SLC37A1: variants seen among roughly 807,000 people sequenced by gnomAD.
SLC37A1 encodes glucose-6-phosphate exchanger SLC37A1.
In SLC37A1, 49 loss-of-function variants were observed where a neutral mutation model predicts 75.3. The ratio of observed to expected loss-of-function variants is 0.65; its 90% CI spans 0.52 to 0.83. The LOEUF (loss-of-function observed/expected upper bound fraction) is 0.83, where lower values mean the gene tolerates loss of function less well. Among genes scored for constraint, SLC37A1 ranks in the 40% least tolerant of loss-of-function variants. SLC37A1 has a pLI of 0.00. For synonymous variants in SLC37A1, 268 were observed against 292.1 expected, an observed-to-expected ratio of 0.92 and a Z score of 0.84; for missense variants, 566 against 695.0, an observed-to-expected ratio of 0.81 and a Z score of 2.09.
intron 10 of SLC37A1, among the ~76,000 whole-genome samples, chr21:42,558,165 C>T (rs891368430): frequency 6.6e-6 from 1 of 152,152 alleles, no homozygotes; most frequent in African/African-American, 2.4e-5. Flanking sequence ...GTTATCCTTG[C>T]TCTGACTTGA....
chr21:42,534,427 T>C (rs1419581354), intron 3 of SLC37A1, among the ~76,000 whole-genome samples: 1 of 152,166 alleles, frequency 6.6e-6, no homozygotes, highest in East Asian at 1.9e-4. Context: ...CCGAGGCTCG[T>C]CTTCTGGTGG....
At chr21:42,560,676 G>T (rs1019570004) in intron 11 of SLC37A1, among the ~76,000 whole-genome samples, 5 of 152,230 alleles carry the variant, frequency 3.3e-5, no homozygotes, top group South Asian at 2.1e-4. Flanking sequence ...CCCAGCCCAG[G>T]GTGGGCACCA....
chr21:42,571,856 G>A (rs1012729966), intron 17 of SLC37A1, among the ~76,000 whole-genome samples: 10 of 151,828 alleles, frequency 6.6e-5, no homozygotes, highest in Non-Finnish European at 8.8e-5. Flanking sequence ...TCCCTGCACC[G>A]TGGTCGCCAT....
chr21:42,503,323 C>T (rs1341669391), intron 2 of SLC37A1, among the ~76,000 whole-genome samples: 1 of 147,894 alleles, frequency 6.8e-6, no homozygotes, highest in African/African-American at 2.5e-5. Flanking sequence ...GATCACAGCT[C>T]ACTGCAGCCT....
intron 14 of SLC37A1, 88 bp downstream of exon 14, chr21:42,564,881 C>T (rs2055935324): frequency 9.5e-6 from 12 of 1,268,906 alleles, no homozygotes; most frequent in South Asian, 5.1e-5. Context: ...CCATCTGGCC[C>T]GTGCTCCACT....
At chr21:42,574,782 A>T in intron 17 of SLC37A1, 36 bp from the exon 18 acceptor site, 4 of 1,609,592 alleles carry the variant, frequency 2.5e-6, no homozygotes, top group Non-Finnish European at 3.4e-6. Flanking sequence ...GATTTTCTCT[A>T]AACAGCACCA....
chr21:42,536,415 A>G (rs572256066), intron 5 of SLC37A1, among the ~76,000 whole-genome samples: 15 of 152,258 alleles, frequency 9.9e-5, no homozygotes, highest in African/African-American at 3.4e-4. Flanking sequence ...TGAATATTAT[A>G]TGGGTCATAG....
chr21:42,522,484 C>T (rs1029233231), intron 2 of SLC37A1, among the ~76,000 whole-genome samples: 1 of 152,170 alleles, frequency 6.6e-6, no homozygotes, highest in Non-Finnish European at 1.5e-5. Flanking sequence ...GTGTGGCTGC[C>T]GCGGTTTAGC....
intron 2 of SLC37A1, chr21:42,502,661 C>T (rs1460591471): frequency 6.6e-6 from 1 of 152,152 alleles, no homozygotes; most frequent in East Asian, 1.9e-4. Context: ...ACCTGGTGAA[C>T]AATTTGTCAA....
rs368758018 is a variant in SLC37A1 at position 42,533,622 on chromosome 21, A to G, written c.139-1076A>G. 5.8e-4 allele frequency among the ~76,000 whole-genome samples: 87 copies of G among 150,658 alleles called. No homozygotes were observed. The East Asian group carries it at 0.016, about 27-fold the overall frequency. On this transcript the variant is annotated intron_variant, in intron 3 of 19. Transcript: ENST00000352133. ...CAGGCCCCTCTGCCTCCCAACAAGA[A>G]GCACCCACTCAGGCCCCTCTGCCTC...
chr21:42,559,385 C>T (rs1169885016), intron 11 of SLC37A1, among the ~76,000 whole-genome samples: 6 of 152,218 alleles, frequency 3.9e-5, no homozygotes, highest in Non-Finnish European at 2.9e-5. Flanking sequence ...AACGGAAAGC[C>T]TGGCACCCTG....
intron 3 of SLC37A1, among the ~76,000 whole-genome samples, chr21:42,527,513 TGCCGCTTACA>T (rs2054827094): frequency 1.3e-5 from 2 of 152,136 alleles, no homozygotes; most frequent in Admixed American, 1.3e-4. Flanking sequence ...TATAAATAAC[TGCCGCTTACA>T]GAGCCCTGGG....
chr21:42,500,752 T>C (rs777309776), intron 1 of SLC37A1, among the ~76,000 whole-genome samples: 71 of 152,324 alleles, frequency 4.7e-4, no homozygotes, highest in Middle Eastern at 3.4e-3. Context: ...AGCACTAATA[T>C]ACATAAGGGT....
At chr21:42,504,840 T>C (rs560395715) in intron 2 of SLC37A1, among the ~76,000 whole-genome samples, 1 of 152,300 alleles carries the variant, frequency 6.6e-6, no homozygotes, top group African/African-American at 2.4e-5. Context: ...TTTATTTCCT[T>C]ATCTTAATGA....
chr21:42,555,927 G>C (rs116553020), intron 10 of SLC37A1, among the ~76,000 whole-genome samples: 6 of 152,222 alleles, frequency 3.9e-5, no homozygotes, highest in Non-Finnish European at 5.9e-5. Flanking sequence ...CTTGGGTCAG[G>C]GTAGGCGGGG....
rs1004843719 is a variant in SLC37A1, at chr21:42,548,229, G to A, written c.768+1089G>A. Among the ~76,000 whole-genome samples, 2 of 152,124 alleles carry A rather than the reference G, an allele frequency of 1.3e-5. No homozygotes were observed. The highest frequency in any genetic ancestry group is 2.4e-5 in the African/African-American group (1 of 41,414). On this transcript the variant is annotated intron_variant, in intron 9 of 19. Transcript: ENST00000352133. This position sits in a 1 kb window ranked among gnomAD's most constrained non-coding sequence, Gnocchi z 5.6. ...CAGCGGCTCCAGGTGCGTTGATGTC[G>A]AGTCACCATGCTGTCCCCAGAGTGA...
chr21:42,507,670 G>A (rs2054396633), intron 2 of SLC37A1, among the ~76,000 whole-genome samples: 1 of 152,214 alleles, frequency 6.6e-6, no homozygotes, highest in Non-Finnish European at 1.5e-5. Flanking sequence ...AAGGCCTCAG[G>A]AAGCTTCCAT....
At chr21:42,522,740 A>C (rs1417328079) in intron 2 of SLC37A1, among the ~76,000 whole-genome samples, 1 of 152,206 alleles carries the variant, frequency 6.6e-6, no homozygotes, top group Non-Finnish European at 1.5e-5. Context: ...ATTCTACAGG[A>C]CGGCTTCTGT....
intron 7 of SLC37A1, 111 bp from the exon 8 acceptor site, chr21:42,543,325 C>G: frequency 1.6e-6 from 2 of 1,242,266 alleles, no homozygotes; most frequent in Non-Finnish European, 2.4e-6. Context: ...CATGGCCCCC[C>G]GTTGATTCTG....
Sources: gnomAD v4.1 joint callset for allele counts (sites outside exome capture counted in the v4.1 genomes callset) on GRCh38, gnomAD v4.1.1 for gene constraint, Gnocchi (gnomAD v3.1) non-coding constraint, MANE v1.5 for transcripts, NCBI Gene and HGNC (gene_info 2026-07-23, HGNC 2026-07-21) for gene names.